Variants in GPHN observed in about 807,000 individuals in gnomAD.
GPHN encodes the protein gephyrin.
A neutral mutation model predicts 95.5 loss-of-function variants in GPHN; 17 were observed. That is an observed-to-expected ratio of 0.18 (90% confidence interval 0.12 to 0.27). The LOEUF (loss-of-function observed/expected upper bound fraction) is 0.27. Among genes scored for constraint, GPHN ranks in the 10% least tolerant of loss-of-function variants. The probability of loss-of-function intolerance (pLI) is 1.00; values close to 1 mark genes in which losing one functional copy is unlikely to be tolerated. For missense variants in GPHN, 660 were observed against 978.1 expected, an observed-to-expected ratio of 0.67 and a Z score of 4.34; for synonymous variants, 320 against 322.5, an observed-to-expected ratio of 0.99 and a Z score of 0.08.
the GPHN span, chr14:67,727,217 A>G: frequency 3.1e-6 from 5 of 1,587,704 alleles, no homozygotes; most frequent in Middle Eastern, 1.7e-4. Flanking sequence ...AGGAATAGCA[A>G]AAATGGTCCT....
At chr14:67,090,230 C>CTTGGAT (rs1011742132) in intron 12 of GPHN, among the ~76,000 whole-genome samples, 2 of 151,878 alleles carry the variant, frequency 1.3e-5, no homozygotes, top group Non-Finnish European at 2.9e-5. Context: ...GAGTCTCTTA[C>CTTGGAT]TTGGTTTTGG....
intron 1 of GPHN, among the ~76,000 whole-genome samples, chr14:66,530,047 A>G (rs189780271): frequency 1.4e-4 from 21 of 152,290 alleles, no homozygotes; most frequent in South Asian, 2.1e-4. Flanking sequence ...CTGTGCTCAC[A>G]GCCACCCCTT....
intron 5 of GPHN, among the ~76,000 whole-genome samples, chr14:66,886,543 GA>G (rs922800667): frequency 2.7e-4 from 37 of 138,128 alleles, no homozygotes; most frequent in East Asian, 8.3e-4. Flanking sequence ...AAATAAAGAA[GA>G]AAAAAAAAAG....
At chr14:67,002,702 G>A (rs1277155557) in intron 9 of GPHN, among the ~76,000 whole-genome samples, 1 of 150,948 alleles carries the variant, frequency 6.6e-6, no homozygotes, top group African/African-American at 2.4e-5. Context: ...CACCTTTTGG[G>A]GTATCTTAAG....
At chr14:67,461,386 C>A in the GPHN span, among the ~76,000 whole-genome samples, 1 of 152,148 alleles carries the variant, frequency 6.6e-6, no homozygotes, top group Non-Finnish European at 1.5e-5. Flanking sequence ...GGTATTGAAT[C>A]TTTGTTGGGC....
At chr14:67,086,512 G>A (rs901601969) in intron 11 of GPHN, among the ~76,000 whole-genome samples, 1 of 151,406 alleles carries the variant, frequency 6.6e-6, no homozygotes. Flanking sequence ...TTAGCCGGGC[G>A]AGGTGGCGGG....
At chr14:67,004,990 T>C (rs541671768) in intron 9 of GPHN, among the ~76,000 whole-genome samples, 191 of 151,728 alleles carry the variant, frequency 1.3e-3, no homozygotes, top group East Asian at 3.3e-3. Context: ...ATTTGGGTGA[T>C]AGAGGAGACC....
the GPHN span, among the ~76,000 whole-genome samples, chr14:67,283,189 G>A: frequency 9.9e-5 from 15 of 152,160 alleles, no homozygotes; most frequent in African/African-American, 2.2e-4. Flanking sequence ...GAAGAAAACC[G>A]GGATGAATAA....
At chr14:67,729,889 G>T in the GPHN span, 1 of 445,932 alleles carries the variant, frequency 2.2e-6, no homozygotes. Flanking sequence ...ACTAGAGTCT[G>T]GGAGTAAAGG....
chr14:67,516,395 G>A, the GPHN span, among the ~76,000 whole-genome samples: 1 of 124,540 alleles, frequency 8.0e-6, no homozygotes, highest in Non-Finnish European at 1.9e-5. Flanking sequence ...AACCTAGCTG[G>A]AGAGGGGGGG....
At chr14:67,566,009 C>T in the GPHN span, among the ~76,000 whole-genome samples, 1 of 152,152 alleles carries the variant, frequency 6.6e-6, no homozygotes, top group African/African-American at 2.4e-5. Context: ...AGTCTGGCTG[C>T]TCGGGAGCCT....
At chr14:67,172,812 T>C (rs2082675818) in intron 21 of GPHN, among the ~76,000 whole-genome samples, 1 of 152,142 alleles carries the variant, frequency 6.6e-6, no homozygotes, top group Non-Finnish European at 1.5e-5. Flanking sequence ...TACTTATTGC[T>C]GCTGCACCTG....
chr14:67,660,388 T>C, the GPHN span, among the ~76,000 whole-genome samples: 5 of 152,074 alleles, frequency 3.3e-5, no homozygotes, highest in South Asian at 2.1e-4. Context: ...CTGGGCAACA[T>C]AGCAAGACCT....
At chr14:66,571,379 G>A (rs1403434089) in intron 1 of GPHN, among the ~76,000 whole-genome samples, 1 of 152,162 alleles carries the variant, frequency 6.6e-6, no homozygotes, top group Non-Finnish European at 1.5e-5. Flanking sequence ...ATTTGGGTGG[G>A]GACACAGAGC....
chr14:67,621,549 G>T, the GPHN span, among the ~76,000 whole-genome samples: 1 of 151,572 alleles, frequency 6.6e-6, no homozygotes, highest in South Asian at 2.1e-4. Flanking sequence ...TCCACCTTCT[G>T]GGTTCAAGCA....
chr14:67,590,202 C>A, the GPHN span: 6 of 1,530,582 alleles, frequency 3.9e-6, no homozygotes, highest in South Asian at 1.2e-5. Context: ...AATGCGGAGT[C>A]AAGGTGAGAA....
intron 8 of GPHN, among the ~76,000 whole-genome samples, chr14:66,958,630 G>A (rs984105848): frequency 1.3e-5 from 2 of 152,036 alleles, no homozygotes; most frequent in Admixed American, 6.6e-5. Context: ...GTAACATAAT[G>A]GTAAGTATTT....
chr14:66,738,937 A>G (rs527675978), intron 2 of GPHN, among the ~76,000 whole-genome samples: 1 of 152,220 alleles, frequency 6.6e-6, no homozygotes, highest in East Asian at 1.9e-4. Flanking sequence ...ATGGATATAT[A>G]TTTTATTGGA....
intron 4 of GPHN, among the ~76,000 whole-genome samples, chr14:66,829,553 T>G (rs1157302410): frequency 6.6e-6 from 1 of 152,190 alleles, no homozygotes; most frequent in African/African-American, 2.4e-5. Context: ...AAAAAGGTAT[T>G]ATTACATAAA....
Sources: allele counts gnomAD v4.1 joint callset (sites outside exome capture counted in the v4.1 genomes callset), GRCh38; gene constraint gnomAD v4.1.1; transcripts MANE v1.5; gene names NCBI Gene and HGNC (gene_info 2026-07-23, HGNC 2026-07-21).